Variants in ASIC2 observed in about 807,000 individuals in gnomAD.
ASIC2 encodes acid sensing ion channel subunit 2, also known as acid-sensing ion channel 2.
A neutral mutation model predicts 57.3 loss-of-function variants in ASIC2; 25 were observed. That is an observed-to-expected ratio of 0.44 (90% CI 0.32 to 0.61). The LOEUF (loss-of-function observed/expected upper bound fraction) is 0.61. Ranked by LOEUF, ASIC2 falls within the 20% of genes least tolerant of loss-of-function variation. The probability of loss-of-function intolerance (pLI) is 0.06; values close to 1 mark genes in which losing one functional copy is unlikely to be tolerated. For synonymous variants in ASIC2, 319 were observed against 307.5 expected (o/e 1.04, Z -0.39); for missense variants, 641 against 738.1 (o/e 0.87, Z 1.52).
rs2091803606 is a variant in ASIC2 at position 33,015,979 on chromosome 17, C to G, written c.1582G>C (p.Glu528Gln). 6.2e-7 allele frequency: 1 copy of G among 1,614,014 alleles called. No homozygotes were observed. Among genetic ancestry groups the G allele is most frequent in the South Asian group, 1.1e-5 (1 of 91,076 alleles). Residue 528 changes from glutamate to glutamine, a missense_variant, in exon 9 of 10, where the codon GAG (glutamate) becomes CAG (glutamine). By Grantham distance (29) the Glu-to-Gln change is conservative (BLOSUM62 2). Coordinates refer to ENST00000225823, the MANE Select transcript of ASIC2 (RefSeq NM_183377.2). The part of the protein sequence containing the change: ...GKEEDEGSHD[E>Q]NVSTCDTMPN... ...CAGTGAGCTGCTCTTACCACATTCT[C>G]ATCGTGGCTCCCTTCGTCCTCCTCT...
chr17:33,608,935 C>T (rs957464984), intron 1 of ASIC2, among the ~76,000 whole-genome samples: 6 of 152,284 alleles, frequency 3.9e-5, no homozygotes, highest in East Asian at 1.9e-4. Context: ...TCTAGTTCTA[C>T]CCTGGCAATT....
Position 33,111,951 on chromosome 17 carries a change from C to T in ASIC2, c.825G>A (p.Gln275=). The stretch of plus-strand genomic sequence containing the variant: ...CCCAGATGGGCAGGTACTCATCCTG[C>T]TGAATGTCCAGCATGATCTCCAGCC... ...GNGLEIMLDI[Q]QDEYLPIWGE... Residue 275 remains glutamine (Q), a synonymous_variant, in exon 2 of 10, where the codon CAG becomes CAA. Coordinates refer to ENST00000225823, the MANE Select transcript of ASIC2 (RefSeq NM_183377.2). 6.2e-7 allele frequency: 1 copy of T among 1,613,932 alleles called. No individual in the cohort carries two copies. Among genetic ancestry groups the T allele is most frequent in the Non-Finnish European group, 8.5e-7 (1 of 1,179,910 alleles).
chr17:33,405,225 G>A (rs1463382721), intron 1 of ASIC2, among the ~76,000 whole-genome samples: 1 of 152,124 alleles, frequency 6.6e-6, no homozygotes, highest in Non-Finnish European at 1.5e-5. Context: ...CCATGGAGGA[G>A]GCAGATATGG....
rs189833006 is a variant in ASIC2 at position 33,696,600 on chromosome 17, G to A, written c.555+459378C>T. Among the ~76,000 whole-genome samples the A allele has an allele frequency of 3.3e-4, 50 of 152,270 alleles. 1 individual carries two copies. Among genetic ancestry groups the A allele is most frequent in the African/African-American group, 1.1e-3 (44 of 41,538 alleles). On this transcript the variant is annotated intron_variant, in intron 1 of 9. Transcript: ENST00000359872. ...GGTGGGTCTATACATTTTTCCGTTC[G>A]TTCATTATCAGTACAGTTGACTCTT...
At chr17:33,717,540 A>C (rs1909260331) in intron 1 of ASIC2, among the ~76,000 whole-genome samples, 1 of 152,208 alleles carries the variant, frequency 6.6e-6, no homozygotes, top group African/African-American at 2.4e-5. Flanking sequence ...TACTCTGGAA[A>C]GACCCAACTG....
At chr17:33,503,473 C>T (rs991045144) in intron 1 of ASIC2, among the ~76,000 whole-genome samples, 3 of 152,074 alleles carry the variant, frequency 2.0e-5, no homozygotes, top group Non-Finnish European at 2.9e-5. Flanking sequence ...CAGGGTTCCC[C>T]AGGAAAATTA....
upstream of ASIC2, among the ~76,000 whole-genome samples, chr17:33,295,073 A>G (rs1303402187): frequency 1.3e-5 from 2 of 152,202 alleles, no homozygotes; most frequent in African/African-American, 4.8e-5. Flanking sequence ...ATAAATCTGG[A>G]GTGGCATGAA....
chr17:33,263,615 C>T (rs1909361696), intron 1 of ASIC2, among the ~76,000 whole-genome samples: 1 of 146,280 alleles, frequency 6.8e-6, no homozygotes, highest in Non-Finnish European at 1.5e-5. Context: ...TGTGCTTGCT[C>T]CTGCTCTGCC....
At chr17:34,016,288 G>A (rs1195557064) in intron 1 of ASIC2, among the ~76,000 whole-genome samples, 4 of 152,028 alleles carry the variant, frequency 2.6e-5, no homozygotes, top group Admixed American at 6.6e-5. Context: ...GCCAGGCGCG[G>A]TGGTGGGCAC....
chr17:33,394,652 C>A (rs1910012128), intron 1 of ASIC2, among the ~76,000 whole-genome samples: 1 of 152,042 alleles, frequency 6.6e-6, no homozygotes, highest in South Asian at 2.1e-4. Flanking sequence ...AAGTGAGGCA[C>A]CCAGGGAGGC....
At chr17:33,512,208 C>T (rs1914449202) in intron 1 of ASIC2, among the ~76,000 whole-genome samples, 1 of 152,216 alleles carries the variant, frequency 6.6e-6, no homozygotes, top group Non-Finnish European at 1.5e-5. Context: ...TGAAACTCTG[C>T]AGTCACTATC....
intron 2 of ASIC2, among the ~76,000 whole-genome samples, chr17:33,110,528 G>A (rs115576392): frequency 1.3e-5 from 2 of 152,330 alleles, no homozygotes; most frequent in Middle Eastern, 3.4e-3. Flanking sequence ...TGGCACTGGC[G>A]CAGTGACATG....
At chr17:33,859,808 C>T (rs1914058560) in intron 1 of ASIC2, among the ~76,000 whole-genome samples, 1 of 152,108 alleles carries the variant, frequency 6.6e-6, no homozygotes, top group Admixed American at 6.6e-5. Flanking sequence ...TCTCAGCCTC[C>T]CAAGTAGCTG....
chr17:33,739,851 G>A (rs28496736), intron 1 of ASIC2, among the ~76,000 whole-genome samples: 4 of 96,932 alleles, frequency 4.1e-5, no homozygotes, highest in South Asian at 6.0e-4. Flanking sequence ...AAAGAAAAAA[G>A]AGAAAGAAAA....
At chr17:33,186,779 T>C (rs1448583153) in intron 1 of ASIC2, among the ~76,000 whole-genome samples, 2 of 152,202 alleles carry the variant, frequency 1.3e-5, no homozygotes, top group Non-Finnish European at 2.9e-5. Context: ...GACCATTCTA[T>C]GGTCGTTTGG....
At chr17:33,215,501 T>C (rs1017791056) in intron 1 of ASIC2, among the ~76,000 whole-genome samples, 3 of 152,166 alleles carry the variant, frequency 2.0e-5, no homozygotes, top group African/African-American at 7.2e-5. Context: ...AAAATGTTAA[T>C]GTTATAAAGG....
At chr17:33,330,058 G>A (rs996660417) in intron 1 of ASIC2, among the ~76,000 whole-genome samples, 1 of 152,090 alleles carries the variant, frequency 6.6e-6, no homozygotes, top group African/African-American at 2.4e-5. Context: ...GTGGTCTGAG[G>A]TCACTTTCCC....
chr17:33,894,795 T>C (rs952242657), intron 1 of ASIC2, among the ~76,000 whole-genome samples: 6 of 152,210 alleles, frequency 3.9e-5, no homozygotes, highest in South Asian at 4.1e-4. Context: ...ACATTGACTC[T>C]TGCTGTGCCT....
rs550774823 is a variant in ASIC2, at chr17:33,047,037, T to C, written c.988-18645A>G. On this transcript the variant is annotated intron_variant, in intron 3 of 9. Transcript: ENST00000225823. ...AGGCTCTGCTGCATCCCTCAGCGCCTGAGATGGCCTCGCAGGAAGCTCTGT... is the reference window on the plus strand; with the variant it reads ...AGGCTCTGCTGCATCCCTCAGCGCCCGAGATGGCCTCGCAGGAAGCTCTGT... Among the ~76,000 whole-genome samples, 61 of 152,376 alleles carry C rather than the reference T, an allele frequency of 4.0e-4. 3 individuals carry two copies. In the South Asian group the frequency reaches 0.012, roughly 31 times the overall value.
Sources: allele counts gnomAD v4.1 joint callset (sites outside exome capture counted in the v4.1 genomes callset), GRCh38; gene constraint gnomAD v4.1.1; transcripts MANE v1.5; gene names NCBI Gene and HGNC (gene_info 2026-07-23, HGNC 2026-07-21).